SGCD: variants seen among roughly 807,000 people sequenced by gnomAD.
SGCD encodes the protein delta-sarcoglycan.
SGCD carries 18 observed loss-of-function variants against 36.6 expected under a neutral mutation model. That is an observed-to-expected ratio of 0.49 (90% confidence interval 0.34 to 0.73). SGCD has a LOEUF of 0.73. Ranked by LOEUF, SGCD falls within the 30% of genes least tolerant of loss-of-function variation. The pLI, the probability that SGCD is intolerant of heterozygous loss-of-function variation, is 0.01. For missense variants in SGCD, 387 were observed against 346.7 expected (o/e 1.12, Z -0.92); for synonymous variants, 133 against 130.6 (o/e 1.02, Z -0.12).
At chr5:155,877,792 G>A (rs958376497) in intron 1 of SGCD, among the ~76,000 whole-genome samples, 1 of 152,020 alleles carries the variant, frequency 6.6e-6, no homozygotes, top group African/African-American at 2.4e-5. Flanking sequence ...ACCCTGATAA[G>A]TGCAATAAAG....
chr5:156,441,885 G>A (rs183616362), intron 3 of SGCD, among the ~76,000 whole-genome samples: 117 of 152,236 alleles, frequency 7.7e-4, no homozygotes, highest in Non-Finnish European at 1.4e-3. Flanking sequence ...CACCTGAGGT[G>A]GAAATGGCTG....
chr5:156,294,076 T>G (rs1766832218), intron 3 of SGCD, among the ~76,000 whole-genome samples: 1 of 152,176 alleles, frequency 6.6e-6, no homozygotes, highest in Non-Finnish European at 1.5e-5. Context: ...TTGAAGTATT[T>G]TATTCTTTTG....
intron 3 of SGCD, among the ~76,000 whole-genome samples, chr5:156,401,323 G>A (rs1244864456): frequency 5.3e-5 from 8 of 152,170 alleles, no homozygotes; most frequent in Admixed American, 3.9e-4. Flanking sequence ...ACAATTATTG[G>A]ATAGTAAAAG....
At chr5:156,230,646 T>C (rs186209713) in intron 3 of SGCD, among the ~76,000 whole-genome samples, 38 of 152,262 alleles carry the variant, frequency 2.5e-4, no homozygotes, top group Admixed American at 1.7e-3. Flanking sequence ...GATTTCCTGA[T>C]TTATTCCTGT....
chr5:156,449,677 C>CA (rs397883573), intron 3 of SGCD, among the ~76,000 whole-genome samples: 1,552 of 46,022 alleles, frequency 0.034, 39 homozygotes, highest in South Asian at 0.046. Context: ...ACTAAAAATA[C>CA]AAAAAAAAAA....
chr5:156,245,441 A>T (rs1332122173), intron 3 of SGCD, among the ~76,000 whole-genome samples: 1 of 152,202 alleles, frequency 6.6e-6, no homozygotes, highest in Non-Finnish European at 1.5e-5. Context: ...CAATAATAAT[A>T]AATGACTTAT....
At chr5:156,204,220 T>C (rs1764215098) in intron 3 of SGCD, among the ~76,000 whole-genome samples, 1 of 151,898 alleles carries the variant, frequency 6.6e-6, no homozygotes, top group East Asian at 1.9e-4. Context: ...AGCTTAAGAG[T>C]GAGGAAATTT....
At chr5:156,735,078 G>T (rs1288111360) in intron 7 of SGCD, among the ~76,000 whole-genome samples, 1 of 152,182 alleles carries the variant, frequency 6.6e-6, no homozygotes, top group South Asian at 2.1e-4. Context: ...CAGTTTGCTG[G>T]GGATCCACTC....
intron 4 of SGCD, among the ~76,000 whole-genome samples, chr5:156,580,361 C>CAA (rs1760199237): frequency 6.6e-6 from 1 of 152,126 alleles, no homozygotes; most frequent in African/African-American, 2.4e-5. Context: ...TCCTTCATTT[C>CAA]AACCTTGGTG....
At chr5:156,669,900 G>T (rs956280474) in intron 7 of SGCD, among the ~76,000 whole-genome samples, 1 of 151,922 alleles carries the variant, frequency 6.6e-6, no homozygotes, top group Non-Finnish European at 1.5e-5. Flanking sequence ...GGTATTGGGG[G>T]AAATGTCTTG....
chr5:156,254,369 C>A (rs892180715), intron 3 of SGCD, among the ~76,000 whole-genome samples: 2 of 152,202 alleles, frequency 1.3e-5, no homozygotes, highest in African/African-American at 4.8e-5. Context: ...TGCTATCCCT[C>A]CCCGCTCCCC....
Position 155,923,785 on chromosome 5 carries a change from T to G in SGCD, c.-282+53361T>G, listed in dbSNP as rs558267896. Among the ~76,000 whole-genome samples, 12 of 152,350 alleles carry G rather than the reference T, an allele frequency of 7.9e-5. No homozygotes were observed. The South Asian group carries it at 2.3e-3, about 29-fold the overall frequency. On this transcript the variant is annotated intron_variant, in intron 1 of 9. Coordinates refer to the SGCD transcript ENST00000517913. ...TGAACATTTTGTGTTTTTCGCCTAG[T>G]AGGGAGTTATTTACCTGTTTTAACT...
At chr5:156,140,239 G>A (rs944626854) in intron 3 of SGCD, among the ~76,000 whole-genome samples, 2 of 152,188 alleles carry the variant, frequency 1.3e-5, no homozygotes, top group African/African-American at 2.4e-5. Flanking sequence ...TTAGGAAGTC[G>A]GTAATGGGTA....
chr5:156,470,687 A>G (rs1754922306), intron 3 of SGCD, among the ~76,000 whole-genome samples: 1 of 152,162 alleles, frequency 6.6e-6, no homozygotes, highest in Non-Finnish European at 1.5e-5. Context: ...TTTTGCTAAT[A>G]CAAGTTTGTA....
At chr5:155,828,832 A>G in the SGCD span, among the ~76,000 whole-genome samples, 1 of 151,962 alleles carries the variant, frequency 6.6e-6, no homozygotes, top group African/African-American at 2.4e-5. Context: ...GATGACAGGC[A>G]TGTGCCACCA....
rs572499695 is a variant in SGCD, at chr5:156,156,207, G to C, written c.-44+32188G>C. On this transcript the variant is annotated intron_variant, in intron 3 of 9. Coordinates refer to the SGCD transcript ENST00000517913. ...TTCATATTACGAATATGTGAACCAA[G>C]GCCAAGAGAAGAGAGAGCATTGCAA... Among the ~76,000 whole-genome samples, 115 of 151,698 alleles carry C rather than the reference G, an allele frequency of 7.6e-4. 1 individual carries two copies. Among genetic ancestry groups the C allele is most frequent in the Middle Eastern group, 3.4e-3 (1 of 294 alleles).
intron 1 of SGCD, among the ~76,000 whole-genome samples, chr5:156,076,772 A>G (rs1561709306): frequency 6.6e-6 from 1 of 152,224 alleles, no homozygotes; most frequent in South Asian, 2.1e-4. Context: ...GTAATTAGCT[A>G]TGAAAGGATT....
chr5:156,129,070 A>G (rs1762248602), intron 3 of SGCD, among the ~76,000 whole-genome samples: 1 of 152,176 alleles, frequency 6.6e-6, no homozygotes, highest in Non-Finnish European at 1.5e-5. Flanking sequence ...TGCCTGGGAA[A>G]TGTTCATGAG....
At chr5:155,732,364 C>T in the SGCD span, among the ~76,000 whole-genome samples, 2 of 152,228 alleles carry the variant, frequency 1.3e-5, no homozygotes, top group Non-Finnish European at 2.9e-5. Flanking sequence ...GCGTGGTTGA[C>T]TTCAAGATCT....
Sources: allele counts gnomAD v4.1 joint callset (sites outside exome capture counted in the v4.1 genomes callset), GRCh38; gene constraint gnomAD v4.1.1; transcripts MANE v1.5; gene names NCBI Gene and HGNC (gene_info 2026-07-23, HGNC 2026-07-21).